DDIAS: variants seen among roughly 807,000 people sequenced by gnomAD.
DDIAS encodes the protein DNA damage induced apoptosis suppressor, also known as DNA damage-induced apoptosis suppressor protein.
A neutral mutation model predicts 15.7 loss-of-function variants in DDIAS; 14 were observed. The observed-to-expected ratio is 0.89, with a 90% CI of 0.59 to 1.39. The LOEUF is 1.39. DDIAS is among the 40% of genes most tolerant of loss of function. The pLI is 0.00. For missense variants in DDIAS, 1,035 were observed against 1,130.9 expected, an observed-to-expected ratio of 0.92 and a Z score of 1.22; for synonymous variants, 355 against 395.9, an observed-to-expected ratio of 0.90 and a Z score of 1.23.
chr11:82,912,756 G>A lies in DDIAS; in HGVS notation c.-116-531G>A, dbSNP rs192400632. On this transcript the variant is annotated intron_variant, in intron 1 of 5. Coordinates refer to ENST00000533655, the MANE Select transcript of DDIAS (RefSeq NM_145018.4). The stretch of plus-strand genomic sequence containing the variant: ...AGAAACCTAACTTTTGGTCTGTCTC[G>A]GCTATCAACATGCTTTCCTCACTAA... Among the ~76,000 whole-genome samples the A allele has an allele frequency of 8.0e-4, 121 of 152,108 alleles. 1 individual carries two copies. The highest frequency in any genetic ancestry group is 2.7e-3 in the African/African-American group (114 of 41,460).
chr11:82,910,193 CA>C (rs775924839), intron 1 of DDIAS, among the ~76,000 whole-genome samples: 1 of 151,662 alleles, frequency 6.6e-6, no homozygotes, highest in Non-Finnish European at 1.5e-5. Context: ...CAAACAGTTA[CA>C]AAGACCTTTG....
rs915190989 is a variant in DDIAS at position 82,903,866 on chromosome 11, C to T, written c.-117+2044C>T. Among the ~76,000 whole-genome samples, 6 of 152,048 alleles carry T rather than the reference C, an allele frequency of 3.9e-5. No homozygotes were observed. The South Asian group carries it at 6.2e-4, about 16-fold the overall frequency. On this transcript the variant is annotated intron_variant, in intron 1 of 5. Transcript: ENST00000533655. ...AAGGCAAGAAGGGTTTGGAGAGGAA[C>T]GAAGAAAGGGAGAAAAATTAGTCAT... is the stretch of plus-strand genomic sequence containing the variant.
At chr11:82,902,333 T>C (rs1860334781) in intron 1 of DDIAS, among the ~76,000 whole-genome samples, 1 of 152,186 alleles carries the variant, frequency 6.6e-6, no homozygotes, top group African/African-American at 2.4e-5. Flanking sequence ...CTCCGTTTTT[T>C]ACTGACATTA....
At chr11:82,902,024 A>G (rs534755281) in intron 1 of DDIAS, among the ~76,000 whole-genome samples, 3 of 152,334 alleles carry the variant, frequency 2.0e-5, no homozygotes, top group South Asian at 2.1e-4. Context: ...GCAATCACCT[A>G]ACGAACGTTT....
In DDIAS at chr11:82,933,189, G is replaced by A. The variant is rs1363179324; in HGVS notation, c.1851G>A (p.Trp617Ter). ...TAGAAAATAAACAATATTGTAGGTG[G>A]TCCAAGAACCAAGATGACAGTTTTA... ...CKLENKQYCRWSKNQDDSFTI... is the reference protein window; with the variant it reads ...CKLENKQYCR Residue 617 changes from tryptophan to a stop codon, truncating the protein, a stop_gained, in exon 6 of 6, where the codon TGG becomes TGA. Transcript: ENST00000533655. LOFTEE classifies it low-confidence loss of function (END_TRUNC). 6.2e-7 allele frequency: 1 copy of A among 1,612,356 alleles called. No homozygotes were observed. The highest frequency in any genetic ancestry group is 1.3e-5 in the African/African-American group (1 of 74,876).
At chr11:82,908,893 C>T (rs894877697) in intron 1 of DDIAS, among the ~76,000 whole-genome samples, 1 of 152,202 alleles carries the variant, frequency 6.6e-6, no homozygotes, top group Non-Finnish European at 1.5e-5. Context: ...TTTGTTTCTA[C>T]TTTCTTTAGC....
In DDIAS at chr11:82,933,333, T is replaced by C. The variant is rs898890428; in HGVS notation, c.1995T>C (p.Tyr665=). ...GHINNNVTQS[Y]SIGYEGSYDA... ...TCAATAACAACGTAACACAGAGCTA[T>C]TCTATTGGTTATGAAGGTAGCTATG... Residue 665 remains tyrosine (Y), a synonymous_variant, in exon 6 of 6, where the codon TAT becomes TAC. Transcript: ENST00000533655. 9.9e-6 allele frequency: 16 copies of C among 1,613,950 alleles called. No homozygotes were observed. The highest frequency in any genetic ancestry group is 1.3e-5 in the African/African-American group (1 of 74,930).
intron 3 of DDIAS, among the ~76,000 whole-genome samples, chr11:82,916,318 TTTACC>T (rs1860631929): frequency 6.6e-6 from 1 of 152,208 alleles, no homozygotes; most frequent in Admixed American, 6.5e-5. Context: ...ATAAGTATAC[TTTACC>T]TTATTGCAGT....
At chr11:82,930,337 A>T in intron 5 of DDIAS, 63 bp downstream of exon 5, 2 of 1,222,448 alleles carry the variant, frequency 1.6e-6, no homozygotes, top group Non-Finnish European at 2.4e-6. Flanking sequence ...GAATTATGTG[A>T]ATTTTCTAAA....
chr11:82,905,661 T>A (rs1350832453), intron 1 of DDIAS, among the ~76,000 whole-genome samples: 1 of 152,140 alleles, frequency 6.6e-6, no homozygotes, highest in Non-Finnish European at 1.5e-5. Context: ...TGCAGTTAAA[T>A]TTTTTGTGTG....
rs1861062669 is a variant in DDIAS, at chr11:82,933,995, G to A, written c.2657G>A (p.Gly886Glu). 1 of 1,613,552 alleles carries A rather than the reference G, an allele frequency of 6.2e-7. No homozygotes were observed. Among genetic ancestry groups the A allele is most frequent in the Non-Finnish European group, 8.5e-7 (1 of 1,179,886 alleles). The change falls in exon 6 of 6, where the codon GGG (glycine) becomes GAG (glutamate). Residue 886 changes from glycine (G) to glutamate (E), a missense_variant. Transcript: ENST00000533655. ...CTTGGATTCCAAGGCATAGGTCTAG[G>A]GAAATGCCTTGCTGCCTATCATTTC... is the stretch of plus-strand genomic sequence containing the variant. Reference protein sequence around the residue: ...DMLGFQGIGLGKCLAAYHFPD... With the variant: ...DMLGFQGIGLEKCLAAYHFPD...
At chr11:82,912,950 GAC>G (rs1313937657) in intron 1 of DDIAS, among the ~76,000 whole-genome samples, 1 of 152,144 alleles carries the variant, frequency 6.6e-6, no homozygotes, top group East Asian at 1.9e-4. Context: ...GGGGCAGTCA[GAC>G]ACACATTTAT....
chr11:82,921,769 G>T (rs1329582515), intron 3 of DDIAS, among the ~76,000 whole-genome samples: 1 of 151,790 alleles, frequency 6.6e-6, no homozygotes, highest in African/African-American at 2.4e-5. Context: ...AGTAGAGACA[G>T]GGTTTCACCA....
At chr11:82,913,475 G>C (rs1220236915) in intron 2 of DDIAS, 89 bp downstream of exon 2, 2 of 247,024 alleles carry the variant, frequency 8.1e-6, no homozygotes, top group Non-Finnish European at 1.6e-5. Flanking sequence ...GAACTCCTGG[G>C]CTCAAGCAAT....
intron 1 of DDIAS, among the ~76,000 whole-genome samples, chr11:82,907,281 A>G (rs1354303354): frequency 9.9e-5 from 15 of 152,224 alleles, no homozygotes; most frequent in Admixed American, 9.2e-4. Context: ...AAGAGCAAAA[A>G]GAAAGTTAAG....
At chr11:82,926,088 A>T (rs1362970681) in intron 3 of DDIAS, among the ~76,000 whole-genome samples, 3 of 133,986 alleles carry the variant, frequency 2.2e-5, no homozygotes, top group South Asian at 2.3e-4. Context: ...TTGGCAAGTA[A>T]TTTTTTTTTT....
In DDIAS at chr11:82,932,500, T is replaced by G. The variant is rs779424542; in HGVS notation, c.1162T>G (p.Ser388Ala). 1.2e-6 allele frequency: 2 copies of G among 1,614,048 alleles called. No individual in the cohort carries two copies. Among genetic ancestry groups the G allele is most frequent in the Admixed American group, 1.7e-5 (1 of 59,996 alleles). Residue 388 changes from serine to alanine, a missense_variant, in exon 6 of 6, where the codon TCT (serine) becomes GCT (alanine). Transcript: ENST00000533655. ...TACCCCAACTAGCCTTCAGAAGAGATCTGCATGTTGTCCACCTTCGTTACT... is the reference window on the plus strand; with the variant it reads ...TACCCCAACTAGCCTTCAGAAGAGAGCTGCATGTTGTCCACCTTCGTTACT... ...IDTPTSLQKR[S>A]ACCPPSLLRL...
chr11:82,918,481 C>G (rs1860677567), intron 3 of DDIAS, among the ~76,000 whole-genome samples: 1 of 152,196 alleles, frequency 6.6e-6, no homozygotes, highest in Admixed American at 6.5e-5. Context: ...GTGACGATGG[C>G]CTTATAGTAC....
At chr11:82,912,989 A>G (rs1322861440) in intron 1 of DDIAS, among the ~76,000 whole-genome samples, 1 of 152,196 alleles carries the variant, frequency 6.6e-6, no homozygotes, top group Non-Finnish European at 1.5e-5. Flanking sequence ...ATATAGGTAC[A>G]GTTTGTGGCA....
Sources: gnomAD v4.1 joint callset for allele counts (sites outside exome capture counted in the v4.1 genomes callset) on GRCh38, gnomAD v4.1.1 for gene constraint, MANE v1.5 for transcripts, NCBI Gene and HGNC (gene_info 2026-07-23, HGNC 2026-07-21) for gene names.